C1orf94: variants seen among roughly 807,000 people sequenced by gnomAD.
C1orf94 encodes the protein uncharacterized protein C1orf94.
C1orf94 carries 45 observed loss-of-function variants against 53.6 expected under a neutral mutation model. That is an observed-to-expected ratio of 0.84 (90% CI 0.66 to 1.08). The LOEUF (loss-of-function observed/expected upper bound fraction) is 1.08. C1orf94 is among the 50% of genes least tolerant of loss of function. The pLI, the probability that C1orf94 is intolerant of heterozygous loss-of-function variation, is 0.00. For missense variants in C1orf94, 762 were observed against 738.9 expected (o/e 1.03, Z -0.36); for synonymous variants, 304 against 296.1 (o/e 1.03, Z -0.27).
intron 2 of C1orf94, among the ~76,000 whole-genome samples, chr1:34,198,650 A>G (rs2148618167): frequency 1.3e-5 from 2 of 152,374 alleles, no homozygotes; most frequent in Middle Eastern, 6.8e-3. Context: ...ATGTTAGCCA[A>G]AAGAACAATT....
At chr1:34,192,856 G>A (rs962381258) in intron 1 of C1orf94, among the ~76,000 whole-genome samples, 4 of 152,138 alleles carry the variant, frequency 2.6e-5, no homozygotes, top group African/African-American at 7.2e-5. Context: ...AATGAACTTA[G>A]CATTTCAAGG....
chr1:34,189,362 G>T (rs949278415), intron 1 of C1orf94, among the ~76,000 whole-genome samples: 1 of 145,682 alleles, frequency 6.9e-6, no homozygotes, highest in Non-Finnish European at 1.5e-5. Flanking sequence ...TGTGTGTGGC[G>T]GGGGGTGGCT....
At chr1:34,187,770 C>CCG (rs1553129263) in intron 1 of C1orf94, among the ~76,000 whole-genome samples, 3 of 11,910 alleles carry the variant, frequency 2.5e-4, no homozygotes, top group African/African-American at 7.8e-4. Flanking sequence ...AATCCACCCA[C>CCG]CCCCCCCCCC....
At chr1:34,210,957 T>A (rs1007909249) in intron 5 of C1orf94, among the ~76,000 whole-genome samples, 1 of 151,890 alleles carries the variant, frequency 6.6e-6, no homozygotes, top group Non-Finnish European at 1.5e-5. Flanking sequence ...CAGCCCCCTT[T>A]GTGGATTTTT....
chr1:34,208,377 C>G lies in C1orf94; in HGVS notation c.1524+143C>G, dbSNP rs551919816. ...TCTGGAGTACAGACTCACATACCGG[C>G]ATGCGTGTGGAAAACACAAACCGAT... On this transcript the variant is annotated intron_variant, in intron 5 of 6. Coordinates refer to ENST00000488417, the MANE Select transcript of C1orf94 (RefSeq NM_001134734.2). 1.3e-5 allele frequency: 10 copies of G among 784,776 alleles called. No homozygotes were observed. In the East Asian group the frequency reaches 2.7e-4, roughly 21 times the overall value. 48.6% of individuals were successfully genotyped at this position (784,776 alleles called of 1,614,324 possible). A position where few individuals can be genotyped will look rare whatever the true frequency, so the allele number is the denominator to read the frequency against.
intron 1 of C1orf94, among the ~76,000 whole-genome samples, chr1:34,178,359 A>G (rs750931676): frequency 2.0e-5 from 3 of 152,190 alleles, no homozygotes; most frequent in African/African-American, 4.8e-5. Flanking sequence ...GACATTTCTC[A>G]TCCTAAACGC....
chr1:34,193,253 G>A (rs2618778), intron 1 of C1orf94, among the ~76,000 whole-genome samples: 20,164 of 152,128 alleles, frequency 0.13, 1,888 homozygotes, highest in African/African-American at 0.27. Flanking sequence ...TTACTGTCAG[G>A]CTGGGAGGAG....
intron 4 of C1orf94, 105 bp downstream of exon 4, chr1:34,202,364 T>A (rs1571346594): frequency 1.6e-6 from 2 of 1,253,004 alleles, no homozygotes; most frequent in East Asian, 4.9e-5. Context: ...TAGACTCCTC[T>A]GAATCCCTTC....
intron 2 of C1orf94, among the ~76,000 whole-genome samples, chr1:34,200,057 A>C (rs931694874): frequency 6.6e-6 from 1 of 152,040 alleles, no homozygotes. Flanking sequence ...TCTTGTTATG[A>C]GCTCCTGCAG....
intron 4 of C1orf94, among the ~76,000 whole-genome samples, chr1:34,203,325 C>T (rs1248800909): frequency 2.6e-5 from 4 of 152,168 alleles, no homozygotes; most frequent in African/African-American, 9.7e-5. Flanking sequence ...CTGGGTTTCA[C>T]CATGTTGGCC....
chr1:34,210,781 A>C (rs1345987344), intron 5 of C1orf94, among the ~76,000 whole-genome samples: 1 of 151,892 alleles, frequency 6.6e-6, no homozygotes, highest in Non-Finnish European at 1.5e-5. Context: ...CAGCCTCCCG[A>C]GTAGCTGGGA....
intron 1 of C1orf94, among the ~76,000 whole-genome samples, chr1:34,180,370 A>G (rs1275363406): frequency 6.6e-6 from 1 of 152,246 alleles, no homozygotes; most frequent in Admixed American, 6.5e-5. Flanking sequence ...ACATAGAATA[A>G]TAATATGGTG....
In C1orf94 at chr1:34,197,063, G is replaced by T. The variant is rs1642598875; in HGVS notation, c.321-162G>T. 1.3e-5 allele frequency among the ~76,000 whole-genome samples: 2 copies of T among 152,160 alleles called. No individual in the cohort carries two copies. The highest frequency in any genetic ancestry group is 4.1e-4 in the South Asian group (2 of 4,830). ...GCTGCATCCTACCGCTGTGGTATAG[G>T]ACCCTCTGGGGGTCCAGTGTGTCTG... On this transcript the variant is annotated intron_variant, in intron 1 of 6. Coordinates refer to ENST00000488417, the MANE Select transcript of C1orf94 (RefSeq NM_001134734.2). This position sits in a 1 kb window ranked among gnomAD's most constrained non-coding sequence, Gnocchi z 4.1.
Position 34,197,816 on chromosome 1 carries a change from C to T in C1orf94, c.912C>T (p.Leu304=). 2 of 1,614,128 alleles carry T rather than the reference C, an allele frequency of 1.2e-6. No individual in the cohort carries two copies. The highest frequency in any genetic ancestry group is 1.7e-6 in the Non-Finnish European group (2 of 1,179,950). ...CTCCTCCTGCACGTCCTGACAAGCT[C>T]CCTGAGCTCCCTGCTCAGAAGAGGC... ...PRPPPARPDK[L]PELPAQKRQL... Residue 304 remains leucine, a synonymous_variant, in exon 2 of 7, where the codon CTC becomes CTT. Transcript: ENST00000488417. This position sits in a 1 kb window ranked among gnomAD's most constrained non-coding sequence, Gnocchi z 4.1.
chr1:34,167,313 C>T (rs1359489476), intron 1 of C1orf94: 1 of 152,164 alleles, frequency 6.6e-6, no homozygotes, highest in Admixed American at 6.5e-5. Flanking sequence ...GCCCAGGCCT[C>T]CTGTGCAGCC....
chr1:34,205,469 G>A (rs192379581), intron 4 of C1orf94, among the ~76,000 whole-genome samples: 1 of 152,306 alleles, frequency 6.6e-6, no homozygotes, highest in African/African-American at 2.4e-5. Context: ...TCCAAGTTAG[G>A]CCTTAGGCTG....
chr1:34,202,718 C>A (rs1642732391), intron 4 of C1orf94, among the ~76,000 whole-genome samples: 1 of 152,156 alleles, frequency 6.6e-6, no homozygotes, highest in Admixed American at 6.5e-5. Context: ...TTGGGACAGT[C>A]CCAATTTAGG....
upstream of C1orf94, among the ~76,000 whole-genome samples, chr1:34,174,587 G>A (rs1178504876): frequency 1.3e-5 from 2 of 152,164 alleles, no homozygotes; most frequent in Non-Finnish European, 2.9e-5. Context: ...TTAAAGGAGT[G>A]ATTAGGACAG....
intron 1 of C1orf94, among the ~76,000 whole-genome samples, chr1:34,192,138 A>G (rs2169905): frequency 0.14 from 20,633 of 152,256 alleles, 1,961 homozygotes; most frequent in African/African-American, 0.27. Context: ...CGAATAGCAC[A>G]GGAGAGATGC....
Sources: gnomAD v4.1 joint callset for allele counts (sites outside exome capture counted in the v4.1 genomes callset) on GRCh38, gnomAD v4.1.1 for gene constraint, Gnocchi (gnomAD v3.1) non-coding constraint, MANE v1.5 for transcripts, NCBI Gene and HGNC (gene_info 2026-07-23, HGNC 2026-07-21) for gene names.